Variants in TUSC3 observed in about 807,000 individuals in gnomAD.
TUSC3 encodes the protein dolichyl-diphosphooligosaccharide--protein glycosyltransferase subunit TUSC3.
In TUSC3, 45 loss-of-function variants were observed where a neutral mutation model predicts 44.8. The observed-to-expected ratio is 1.00, with a 90% CI of 0.79 to 1.29. The LOEUF (loss-of-function observed/expected upper bound fraction) is 1.29. Ranked by LOEUF, TUSC3 falls within the 50% of genes most tolerant of loss-of-function variation. The probability of loss-of-function intolerance (pLI) is 0.00; values close to 1 mark genes in which losing one functional copy is unlikely to be tolerated. For missense variants in TUSC3, 519 were observed against 437.9 expected (o/e 1.19, Z -1.65); for synonymous variants, 212 against 152.9 (o/e 1.39, Z -2.85).
the TUSC3 span, among the ~76,000 whole-genome samples, chr8:15,776,359 G>A: frequency 6.6e-6 from 1 of 151,972 alleles, no homozygotes; most frequent in Admixed American, 6.6e-5. Context: ...CTAACAAAAA[G>A]AAACACACGT....
At chr8:15,674,673 T>C (rs1299587685) in intron 6 of TUSC3, among the ~76,000 whole-genome samples, 3 of 151,918 alleles carry the variant, frequency 2.0e-5, no homozygotes, top group Non-Finnish European at 4.4e-5. Context: ...CCCATATTTT[T>C]GGGAACATTT....
chr8:15,535,714 C>G (rs1444820126), upstream of TUSC3, among the ~76,000 whole-genome samples: 1 of 152,052 alleles, frequency 6.6e-6, no homozygotes, highest in Admixed American at 6.6e-5. Flanking sequence ...ATAAATGAAA[C>G]AATAGCATGT....
Position 15,692,607 on chromosome 8 carries a change from C to T in TUSC3, c.798+18771C>T, listed in dbSNP as rs556096556. 1.1e-3 allele frequency among the ~76,000 whole-genome samples: 164 copies of T among 150,376 alleles called. 1 individual carries two copies. The highest frequency in any genetic ancestry group is 3.9e-3 in the African/African-American group (160 of 41,078). The stretch of plus-strand genomic sequence containing the variant: ...TATGTTTCCAGGAATTTATCTGTTT[C>T]TTCTAGGTTTTCTAGCTTGTGTGCA... On this transcript the variant is annotated intron_variant, in intron 6 of 10. Transcript: ENST00000503731.
the TUSC3 span, among the ~76,000 whole-genome samples, chr8:15,812,529 A>C: frequency 6.6e-6 from 1 of 152,150 alleles, no homozygotes; most frequent in Non-Finnish European, 1.5e-5. Context: ...CAATTAGGTC[A>C]CAGGTTTCAT....
intron 1 of TUSC3, among the ~76,000 whole-genome samples, chr8:15,549,188 T>G (rs2129135837): frequency 6.6e-6 from 1 of 151,948 alleles, no homozygotes; most frequent in Admixed American, 6.6e-5. Flanking sequence ...TTTATTTTAT[T>G]TTTTGAGACG....
intron 6 of TUSC3, among the ~76,000 whole-genome samples, chr8:15,692,090 T>C (rs1808925589): frequency 6.6e-6 from 1 of 152,214 alleles, no homozygotes; most frequent in Non-Finnish European, 1.5e-5. Flanking sequence ...ACATGTGGTT[T>C]GTTTTATTAG....
rs7006610 is a variant in TUSC3 at position 15,569,229 on chromosome 8, G to C, written c.138+28661G>C. ...ATACCAAGTACTGTAAGATAGATAA[G>C]CTACTAAATTCTTTTAGTCATTCTT... On this transcript the variant is annotated intron_variant, in intron 1 of 10. Coordinates refer to ENST00000503731, the MANE Select transcript of TUSC3 (RefSeq NM_006765.4). 5.7e-3 allele frequency among the ~76,000 whole-genome samples: 873 copies of C among 152,244 alleles called. 1 individual carries two copies. Among genetic ancestry groups the C allele is most frequent in the African/African-American group, 0.019 (774 of 41,556 alleles).
intron 2 of TUSC3, among the ~76,000 whole-genome samples, chr8:15,497,773 C>G (rs1800902729): frequency 6.6e-6 from 1 of 150,484 alleles, no homozygotes; most frequent in East Asian, 2.0e-4. Flanking sequence ...GAGACAAAGT[C>G]TCGCTCTGTC....
intron 1 of TUSC3, among the ~76,000 whole-genome samples, chr8:15,476,880 G>A (rs914070114): frequency 6.6e-6 from 1 of 152,222 alleles, no homozygotes. Context: ...ACAGGCTGAA[G>A]TGAAGTTACA....
intron 2 of TUSC3, among the ~76,000 whole-genome samples, chr8:15,642,467 A>C (rs1194678253): frequency 6.6e-6 from 1 of 152,212 alleles, no homozygotes; most frequent in East Asian, 1.9e-4. Context: ...TTGTGACGGC[A>C]ATACTATCAG....
At chr8:15,559,614 C>G (rs1802382861) in intron 1 of TUSC3, among the ~76,000 whole-genome samples, 1 of 139,360 alleles carries the variant, frequency 7.2e-6, no homozygotes, top group African/African-American at 2.6e-5. Flanking sequence ...GCTAAAGTCT[C>G]CCATTATTAA....
chr8:15,750,497 G>T (rs1161207275), intron 9 of TUSC3, among the ~76,000 whole-genome samples: 2 of 151,670 alleles, frequency 1.3e-5, no homozygotes, highest in African/African-American at 4.8e-5. Flanking sequence ...GTTACGATAG[G>T]AAGAGTTTAA....
intron 1 of TUSC3, among the ~76,000 whole-genome samples, chr8:15,619,373 A>G (rs1016946766): frequency 3.3e-5 from 5 of 152,206 alleles, no homozygotes; most frequent in South Asian, 2.1e-4. Context: ...TACTTTTCTC[A>G]TTTATAATTG....
chr8:15,658,630 A>G (rs1438347305), intron 3 of TUSC3, among the ~76,000 whole-genome samples: 1 of 114,986 alleles, frequency 8.7e-6, no homozygotes, highest in African/African-American at 3.4e-5. Flanking sequence ...GTATATATAC[A>G]CATATATATA....
chr8:15,657,607 C>T (rs561941569), intron 3 of TUSC3, among the ~76,000 whole-genome samples: 2 of 152,324 alleles, frequency 1.3e-5, no homozygotes, highest in South Asian at 4.1e-4. Flanking sequence ...CCTTGCACCT[C>T]CCCTCTTCTT....
rs354512 is a variant in TUSC3 at position 15,676,761 on chromosome 8, A to C, written c.798+2925A>C. 5.8e-3 allele frequency among the ~76,000 whole-genome samples: 890 copies of C among 152,338 alleles called. 9 individuals carry two copies. The highest frequency in any genetic ancestry group is 0.02 in the African/African-American group (833 of 41,588). ...TTAAGAAAATCATCCAGCTCCAAAT[A>C]TCAGAGTATTGAAAGTGAGAAGCCT... On this transcript the variant is annotated intron_variant, in intron 6 of 10. Coordinates refer to ENST00000503731, the MANE Select transcript of TUSC3 (RefSeq NM_006765.4).
At chr8:15,575,554 G>A (rs1426203077) in intron 1 of TUSC3, among the ~76,000 whole-genome samples, 2 of 152,088 alleles carry the variant, frequency 1.3e-5, no homozygotes, top group African/African-American at 4.8e-5. Flanking sequence ...ATCACCTGAG[G>A]TCAGGAGTTT....
At position 15,683,440 on chromosome 8, in the gene TUSC3, A is replaced by G. The variant is rs116377336; in HGVS notation, c.798+9604A>G. On this transcript the variant is annotated intron_variant, in intron 6 of 10. Transcript: ENST00000503731. Reference sequence around the variant, plus strand: ...TTCTGCTTGATCTAGTCTATTGTTAAGACTTCCAACTGTAATTTGAAATTC... The same window carrying G: ...TTCTGCTTGATCTAGTCTATTGTTAGGACTTCCAACTGTAATTTGAAATTC... Among the ~76,000 whole-genome samples, 679 of 152,102 alleles carry G rather than the reference A, an allele frequency of 4.5e-3. 5 individuals are homozygous for G. Among genetic ancestry groups the G allele is most frequent in the African/African-American group, 0.015 (629 of 41,498 alleles).
intron 1 of TUSC3, among the ~76,000 whole-genome samples, chr8:15,469,325 A>C (rs184085922): frequency 1.3e-5 from 2 of 152,370 alleles, no homozygotes; most frequent in African/African-American, 4.8e-5. Context: ...TAAGAAATCA[A>C]ATCCATTAAA....
Sources: gnomAD v4.1 joint callset for allele counts (sites outside exome capture counted in the v4.1 genomes callset) on GRCh38, gnomAD v4.1.1 for gene constraint, MANE v1.5 for transcripts, NCBI Gene and HGNC (gene_info 2026-07-23, HGNC 2026-07-21) for gene names.